The following LAMC1 variants were observed in gnomAD, a reference collection of about 807,000 sequenced individuals.
LAMC1 encodes laminin subunit gamma 1.
A neutral mutation model predicts 173.6 loss-of-function variants in LAMC1; 38 were observed. The observed-to-expected ratio is 0.22, with a 90% confidence interval of 0.17 to 0.29. The LOEUF (loss-of-function observed/expected upper bound fraction) is 0.29, where lower values mean the gene tolerates loss of function less well. Among genes scored for constraint, LAMC1 ranks in the 10% least tolerant of loss-of-function variants. The pLI, the probability that LAMC1 is intolerant of heterozygous loss-of-function variation, is 1.00. For synonymous variants in LAMC1, 746 were observed against 749.1 expected, an observed-to-expected ratio of 1.00 and a Z score of 0.07; for missense variants, 1,824 against 2,051.8, an observed-to-expected ratio of 0.89 and a Z score of 2.14.
intron 1 of LAMC1, among the ~76,000 whole-genome samples, chr1:183,034,918 AAT>A (rs767916434): frequency 6.6e-6 from 1 of 152,210 alleles, no homozygotes; most frequent in Non-Finnish European, 1.5e-5. Flanking sequence ...GGGGAAGAAT[AAT>A]ATGACTAGTG....
At chr1:183,052,026 C>T (rs1654438591) in intron 1 of LAMC1, among the ~76,000 whole-genome samples, 1 of 152,138 alleles carries the variant, frequency 6.6e-6, no homozygotes, top group Non-Finnish European at 1.5e-5. Context: ...TCATTCCTTT[C>T]ATTGGTTTCT....
chr1:183,039,192 A>G (rs1654061687), intron 1 of LAMC1, among the ~76,000 whole-genome samples: 2 of 147,018 alleles, frequency 1.4e-5, no homozygotes, highest in South Asian at 2.3e-4. Context: ...AGAGCTGAGC[A>G]TGCCGGAATT....
intron 1 of LAMC1, among the ~76,000 whole-genome samples, chr1:183,027,417 G>A (rs533739972): frequency 6.6e-6 from 1 of 152,286 alleles, no homozygotes; most frequent in South Asian, 2.1e-4. Context: ...TGGGGTAGTA[G>A]TTGATACTAA....
intron 24 of LAMC1, among the ~76,000 whole-genome samples, chr1:183,135,597 G>C (rs1353513426): frequency 1.3e-5 from 2 of 152,016 alleles, no homozygotes; most frequent in African/African-American, 4.8e-5. Flanking sequence ...CAGGGTACTA[G>C]TTGAAAATAT....
In LAMC1 at chr1:183,143,930, A is replaced by G. The variant is rs571125608; in HGVS notation, c.*1140A>G. The G allele has an allele frequency of 6.6e-6, 1 of 152,318 alleles. No individual in the cohort carries two copies. Among genetic ancestry groups the G allele is most frequent in the South Asian group, 2.1e-4 (1 of 4,818 alleles). The allele number at this position is 152,318 out of a possible 1,614,324, so 9.4% of individuals were successfully genotyped here. A position where few individuals can be genotyped will look rare whatever the true frequency, so the allele number is the denominator to read the frequency against. ...TCCCTCAAAAAACATTGTTTGCCAAATCCTGGTGGCAAATACTTGCACTCA... is the reference window on the plus strand; with the variant it reads ...TCCCTCAAAAAACATTGTTTGCCAAGTCCTGGTGGCAAATACTTGCACTCA... On this transcript the variant is annotated 3_prime_UTR_variant, in exon 28 of 28. Coordinates refer to ENST00000258341, the MANE Select transcript of LAMC1 (RefSeq NM_002293.4).
intron 1 of LAMC1, among the ~76,000 whole-genome samples, chr1:183,072,001 G>A (rs1364760239): frequency 6.6e-6 from 1 of 152,234 alleles, no homozygotes; most frequent in African/African-American, 2.4e-5. Context: ...AGTAAAAATT[G>A]TATTTAGAGT....
At chr1:183,029,576 GTTC>G (rs1653796788) in intron 1 of LAMC1, among the ~76,000 whole-genome samples, 2 of 152,122 alleles carry the variant, frequency 1.3e-5, no homozygotes, top group South Asian at 4.1e-4. Context: ...TCACAGGGCT[GTTC>G]TTTGGTTTGG....
At chr1:183,074,544 A>T (rs538951602) in intron 1 of LAMC1, among the ~76,000 whole-genome samples, 129 of 152,296 alleles carry the variant, frequency 8.5e-4, no homozygotes, top group Non-Finnish European at 1.6e-3. Flanking sequence ...GGACCTGGGG[A>T]AGAGAAGACA....
chr1:183,134,082 TGG>T (rs1443754072), intron 22 of LAMC1, among the ~76,000 whole-genome samples: 1 of 152,200 alleles, frequency 6.6e-6, no homozygotes, highest in Non-Finnish European at 1.5e-5. Context: ...TAAAATATTT[TGG>T]AATTGGTAGG....
In LAMC1 at chr1:183,075,810, T is replaced by G. The variant is rs528129440; in HGVS notation, c.419-27518T>G. 3.3e-5 allele frequency among the ~76,000 whole-genome samples: 5 copies of G among 152,260 alleles called. 1 individual carries two copies. In the South Asian group the frequency reaches 1.0e-3, roughly 32 times the overall value. On this transcript the variant is annotated intron_variant, in intron 1 of 27. Coordinates refer to ENST00000258341, the MANE Select transcript of LAMC1 (RefSeq NM_002293.4). ...TGTATAGTAGAGTGATTGGAATGAG[T>G]AGCCACAAGCATTTGATGGAGCAAA...
At chr1:183,025,992 C>T (rs1462244487) in intron 1 of LAMC1, among the ~76,000 whole-genome samples, 2 of 152,168 alleles carry the variant, frequency 1.3e-5, no homozygotes, top group African/African-American at 2.4e-5. Flanking sequence ...GTATCAGTTA[C>T]GTTAGATTGC....
intron 27 of LAMC1, 96 bp downstream of exon 27, chr1:183,140,599 AG>A (rs748847678): frequency 2.5e-5 from 15 of 589,790 alleles, no homozygotes; most frequent in Non-Finnish European, 4.0e-5. Context: ...CAGATGATAT[AG>A]GTTTACATGA....
At chr1:183,137,261 A>C (rs1053258063) in intron 25 of LAMC1, among the ~76,000 whole-genome samples, 1 of 152,184 alleles carries the variant, frequency 6.6e-6, no homozygotes, top group Non-Finnish European at 1.5e-5. Context: ...ATTATGATGA[A>C]CTGCCAAGAA....
chr1:183,123,096 C>A (rs1656525399), intron 13 of LAMC1, among the ~76,000 whole-genome samples: 1 of 152,174 alleles, frequency 6.6e-6, no homozygotes, highest in Admixed American at 6.5e-5. Flanking sequence ...TTTTCTTCGA[C>A]CCTTTGTTTC....
chr1:183,108,184 A>T, intron 2 of LAMC1, 92 bp from the exon 3 acceptor site: 1 of 1,196,630 alleles, frequency 8.4e-7, no homozygotes, highest in Non-Finnish European at 1.2e-6. Flanking sequence ...GTTAAATGAT[A>T]ATAAGTTAGT....
intron 1 of LAMC1, among the ~76,000 whole-genome samples, chr1:183,044,873 T>C (rs1366974673): frequency 1.3e-5 from 2 of 151,952 alleles, no homozygotes; most frequent in East Asian, 3.9e-4. Flanking sequence ...CTGAGACTTT[T>C]AAACGTTTCT....
At chr1:183,079,231 GGTTTTTTTTTTTTTTTTTT>G (rs1655199595) in intron 1 of LAMC1, among the ~76,000 whole-genome samples, 1 of 95,620 alleles carries the variant, frequency 1.0e-5, no homozygotes, top group African/African-American at 4.0e-5. Flanking sequence ...TCTCTAATCT[GGTTTTTTTTTTTTTTTTTT>G]TTTTTTTTTT....
rs1657172747 is a variant in LAMC1 at position 183,143,486 on chromosome 1, T to A, written c.*696T>A. The A allele has an allele frequency of 6.6e-6, 1 of 152,596 alleles. No homozygotes were observed. The highest frequency in any genetic ancestry group is 1.5e-5 in the Non-Finnish European group (1 of 68,052). The allele number at this position is 152,596 out of a possible 1,614,324, so 9.5% of individuals were successfully genotyped here. A position where few individuals can be genotyped will look rare whatever the true frequency, so the allele number is the denominator to read the frequency against. On this transcript the variant is annotated 3_prime_UTR_variant, in exon 28 of 28. Transcript: ENST00000258341. ...GTATATTAATAATTGACTAGGAAGA[T>A]GAACTTTTTTTCAGATCTTTGGGCA...
rs77403669 is a variant in LAMC1, at chr1:183,086,274, T to A, written c.419-17054T>A. ...TGCGATTATAATCCTCCTACATGCA[T>A]AAGTCAATGGGGTCTTTGCTCCAAA... is the stretch of plus-strand genomic sequence containing the variant. On this transcript the variant is annotated intron_variant, in intron 1 of 27. Coordinates refer to ENST00000258341, the MANE Select transcript of LAMC1 (RefSeq NM_002293.4). 4.5e-4 allele frequency among the ~76,000 whole-genome samples: 69 copies of A among 152,344 alleles called. No homozygotes were observed. In the East Asian group the frequency reaches 0.012, roughly 26 times the overall value.
Sources: gnomAD v4.1 joint callset for allele counts (sites outside exome capture counted in the v4.1 genomes callset) on GRCh38, gnomAD v4.1.1 for gene constraint, MANE v1.5 for transcripts, NCBI Gene and HGNC (gene_info 2026-07-23, HGNC 2026-07-21) for gene names.